Variants in KIF5A observed in about 807,000 individuals in gnomAD.
KIF5A encodes the protein kinesin family member 5A.
KIF5A carries 35 observed loss-of-function variants against 141.3 expected under a neutral mutation model. That is an observed-to-expected ratio of 0.25 (90% CI 0.19 to 0.33). The LOEUF (loss-of-function observed/expected upper bound fraction) is 0.33. Among genes scored for constraint, KIF5A ranks in the 10% least tolerant of loss-of-function variants. The pLI, the probability that KIF5A is intolerant of heterozygous loss-of-function variation, is 1.00. For synonymous variants in KIF5A, 448 were observed against 500.2 expected (o/e 0.90, Z 1.39); for missense variants, 861 against 1,314.3 (o/e 0.66, Z 5.33).
At position 57,550,540 on chromosome 12, in the gene KIF5A, C is replaced by A; in HGVS notation, c.129+140C>A. The A allele has an allele frequency of 1.1e-6, 1 of 916,486 alleles. No homozygotes were observed. The allele number at this position is 916,486 out of a possible 1,614,324, so 56.8% of individuals were successfully genotyped here. On this transcript the variant is annotated intron_variant, in intron 1 of 28. Coordinates refer to ENST00000455537, the MANE Select transcript of KIF5A (RefSeq NM_004984.4). This position sits in a 1 kb window ranked among gnomAD's most constrained non-coding sequence, Gnocchi z 4.6. ...TTCATCCTCTTCCCCGCAGCCCCTC[C>A]TCTCCCCTGCATCAGGATGGCTGGG... is the stretch of plus-strand genomic sequence containing the variant.
chr12:57,550,142 C>G lies in KIF5A; in HGVS notation c.-130C>G. 1.5e-6 allele frequency: 2 copies of G among 1,313,942 alleles called. No individual in the cohort carries two copies. The highest frequency in any genetic ancestry group is 2.2e-6 in the Non-Finnish European group (2 of 925,040). The allele number at this position is 1,313,942 out of a possible 1,614,324, so 81.4% of individuals were successfully genotyped here. On this transcript the variant is annotated 5_prime_UTR_variant, in exon 1 of 29. Transcript: ENST00000455537. This position sits in a 1 kb window ranked among gnomAD's most constrained non-coding sequence, Gnocchi z 4.6. ...CCCTGCTCCCCAGGCTTCGCCCGGG[C>G]GCCCTCAACTCTGTCCCCAGAGACT...
In KIF5A at chr12:57,569,306, C is replaced by G; in HGVS notation, c.870C>G (p.Asp290Glu). 1 of 1,614,046 alleles carries G rather than the reference C, an allele frequency of 6.2e-7. No individual in the cohort carries two copies. Among genetic ancestry groups the G allele is most frequent in the Non-Finnish European group, 8.5e-7 (1 of 1,179,934 alleles). The change falls in exon 10 of 29, where the codon GAC becomes GAG. Residue 290 changes from aspartate to glutamate, a missense_variant. By Grantham distance (45) the Asp-to-Glu change is conservative. Coordinates refer to ENST00000455537, the MANE Select transcript of KIF5A (RefSeq NM_004984.4). ...RDSKMTRILQ[D>E]SLGGNCRTTM... ...GCAAAATGACAAGGATTCTCCAGGACTCTCTCGGGGGAAACTGCCGGACGA... is the reference window on the plus strand; with the variant it reads ...GCAAAATGACAAGGATTCTCCAGGAGTCTCTCGGGGGAAACTGCCGGACGA...
In KIF5A at chr12:57,580,977, C is replaced by A; in HGVS notation, c.2560C>A (p.Leu854Met). The A allele has an allele frequency of 6.2e-7, 1 of 1,614,084 alleles. No individual in the cohort carries two copies. Among genetic ancestry groups the A allele is most frequent in the Non-Finnish European group, 8.5e-7 (1 of 1,180,010 alleles). Residue 854 changes from leucine to methionine, a missense_variant, in exon 24 of 29, where the codon CTG becomes ATG. Around this residue, in one of 5 missense-constraint regions of KIF5A, gnomAD observed 482 missense variants for 661.3 expected, o/e 0.73. Transcript: ENST00000455537. Reference sequence around the variant, plus strand: ...ATAGCTGGTACGTGACAATGCAGATCTGCGTTGTGAGCTTCCTAAATTGGA... The same window carrying A: ...ATAGCTGGTACGTGACAATGCAGATATGCGTTGTGAGCTTCCTAAATTGGA... Reference protein sequence around the residue: ...HKQLVRDNADLRCELPKLEKR... With the variant: ...HKQLVRDNADMRCELPKLEKR...
Position 57,577,921 on chromosome 12 carries a change from A to G in KIF5A, c.2362-88A>G, listed in dbSNP as rs1882476151. 17 of 1,274,654 alleles carry G rather than the reference A, an allele frequency of 1.3e-5. No homozygotes were observed. In the South Asian group the frequency reaches 1.9e-4, roughly 14 times the overall value. The allele number at this position is 1,274,654 out of a possible 1,614,324, so 79.0% of individuals were successfully genotyped here. Reference sequence around the variant, plus strand: ...TCCTAAAGGATAAGTGACTCACTTGATTATAGAGACTGGAGGTACCTATAA... The same window carrying G: ...TCCTAAAGGATAAGTGACTCACTTGGTTATAGAGACTGGAGGTACCTATAA... On this transcript the variant is annotated intron_variant, in intron 21 of 28. Transcript: ENST00000455537.
intron 23 of KIF5A, among the ~76,000 whole-genome samples, 160 bp downstream of exon 23, chr12:57,578,502 C>G (rs1308631529): frequency 6.6e-6 from 1 of 152,146 alleles, no homozygotes; most frequent in East Asian, 1.9e-4. Flanking sequence ...CATATTTGGT[C>G]CACTTGTACC....
In KIF5A at chr12:57,572,869, T is replaced by A; in HGVS notation, c.1716+143T>A. 2 of 1,014,830 alleles carry A rather than the reference T, an allele frequency of 2.0e-6. No homozygotes were observed. Among genetic ancestry groups the A allele is most frequent in the Non-Finnish European group, 3.1e-6 (2 of 645,666 alleles). The allele number at this position is 1,014,830 out of a possible 1,614,324, so 62.9% of individuals were successfully genotyped here. A position where few individuals can be genotyped will look rare whatever the true frequency, so the allele number is the denominator to read the frequency against. On this transcript the variant is annotated intron_variant, in intron 15 of 28. Coordinates refer to ENST00000455537, the MANE Select transcript of KIF5A (RefSeq NM_004984.4). This position sits in a 1 kb window ranked among gnomAD's most constrained non-coding sequence, Gnocchi z 4.2. The stretch of plus-strand genomic sequence containing the variant: ...TTTGAACTAGACCCAGGAAGACAGG[T>A]AGAGGCTTGTATAGACCCAATTGAA...
In KIF5A at chr12:57,576,786, C is replaced by G; in HGVS notation, c.2224C>G (p.Leu742Val). ...KDLNQKLQLE[L>V]EKLQADYEKL... ...CCTAAATCAGAAGCTCCAGTTAGAG[C>G]TAGAGAAGCTTCAGGCTGACTACGA... The change falls in exon 20 of 29, where the codon CTA becomes GTA. Residue 742 changes from leucine (L) to valine (V), a missense_variant. Physicochemically the swap from Leu to Val is conservative, Grantham distance 32. Around this residue, in one of 5 missense-constraint regions of KIF5A, gnomAD observed 482 missense variants for 661.3 expected, o/e 0.73. Coordinates refer to ENST00000455537, the MANE Select transcript of KIF5A (RefSeq NM_004984.4). 1 of 1,613,728 alleles carries G rather than the reference C, an allele frequency of 6.2e-7. No homozygotes were observed. The highest frequency in any genetic ancestry group is 8.5e-7 in the Non-Finnish European group (1 of 1,179,744).
At position 57,581,396 on chromosome 12, in the gene KIF5A, TTTTC is replaced by T. The variant is rs1289406947; in HGVS notation, c.2756-11_2756-8del. The T allele has an allele frequency of 6.2e-7, 1 of 1,613,242 alleles. No individual in the cohort carries two copies. The highest frequency in any genetic ancestry group is 8.5e-7 in the Non-Finnish European group (1 of 1,179,988). On this transcript the variant is annotated splice_polypyrimidine_tract_variant and intron_variant, in intron 24 of 28. Transcript: ENST00000455537. ...CAGGGTCATAGCCTCCTCATGGTTG[TTTTC>T]TTTCTTTATTGCAGCCAAACCCGTC...
chr12:57,570,373 A>G (rs1420680860), intron 12 of KIF5A, among the ~76,000 whole-genome samples: 1 of 152,248 alleles, frequency 6.6e-6, no homozygotes, highest in African/African-American at 2.4e-5. Flanking sequence ...CTCTGTGCAT[A>G]TACCATGCAA....
rs1466468314 is a variant in KIF5A at position 57,578,044 on chromosome 12, G to A, written c.2397G>A (p.Lys799=). The change falls in exon 22 of 29, where the codon AAG becomes AAA. Residue 799 remains lysine, a synonymous_variant. Transcript: ENST00000455537. ...TCCAGACCCTCCACAACCTTCGCAA[G>A]CTGTTCGTTCAAGACGTCACGACTC... ...RELQTLHNLR[K]LFVQDVTTRV... 6.2e-7 allele frequency: 1 copy of A among 1,614,194 alleles called. No homozygotes were observed. Among genetic ancestry groups the A allele is most frequent in the South Asian group, 1.1e-5 (1 of 91,074 alleles).
chr12:57,572,672 G>A lies in KIF5A; in HGVS notation c.1662G>A (p.Leu554=), dbSNP rs2140165629. The A allele has an allele frequency of 1.9e-6, 3 of 1,614,250 alleles. No individual in the cohort carries two copies. Among genetic ancestry groups the A allele is most frequent in the Non-Finnish European group, 2.5e-6 (3 of 1,180,054 alleles). The change falls in exon 15 of 29, where the codon CTG becomes CTA. Residue 554 remains leucine, a synonymous_variant. Transcript: ENST00000455537. This position sits in a 1 kb window ranked among gnomAD's most constrained non-coding sequence, Gnocchi z 4.2. Reference sequence around the variant, plus strand: ...GAATTGCTGAGGTGCTGAACGGGCTGATGAAGGATCTGAGCGAGTTCAGTG... The same window carrying A: ...GAATTGCTGAGGTGCTGAACGGGCTAATGAAGGATCTGAGCGAGTTCAGTG... ...RKRIAEVLNG[L]MKDLSEFSVI... is the part of the protein sequence containing the mutation.
At chr12:57,561,661 T>C (rs543174922) in intron 1 of KIF5A, among the ~76,000 whole-genome samples, 1 of 152,336 alleles carries the variant, frequency 6.6e-6, no homozygotes, top group African/African-American at 2.4e-5. Flanking sequence ...TAAACGATTA[T>C]TTCTTTTTTG....
chr12:57,573,257 T>C (rs1882311257), intron 15 of KIF5A, among the ~76,000 whole-genome samples: 1 of 151,952 alleles, frequency 6.6e-6, no homozygotes, highest in Non-Finnish European at 1.5e-5. Context: ...AGGCCAGGCA[T>C]GGTGGTTCAT....
At position 57,572,339 on chromosome 12, in the gene KIF5A, T is replaced by A; in HGVS notation, c.1569+72T>A. The A allele has an allele frequency of 1.4e-6, 2 of 1,476,804 alleles. No individual in the cohort carries two copies. The highest frequency in any genetic ancestry group is 4.9e-5 in the East Asian group (2 of 40,564). 91.5% of individuals were successfully genotyped at this position (1,476,804 alleles called of 1,614,324 possible). A position where few individuals can be genotyped will look rare whatever the true frequency, so the allele number is the denominator to read the frequency against. ...CTCCCATGTCGAGGGGACCTCTGCA[T>A]CCTTCCAGGGCTGTATGGTGGCTGC... On this transcript the variant is annotated intron_variant, in intron 14 of 28. Transcript: ENST00000455537. The surrounding 1 kb of genome is among the most constrained non-coding windows in gnomAD (Gnocchi z 4.2).
At chr12:57,569,490 G>A in intron 10 of KIF5A, 45 bp from the exon 11 acceptor site, 2 of 1,613,762 alleles carry the variant, frequency 1.2e-6, no homozygotes, top group Non-Finnish European at 1.7e-6. Context: ...GGTCACCCAA[G>A]TCTCATGTTG....
chr12:57,565,231 C>T (rs986016294), intron 6 of KIF5A, among the ~76,000 whole-genome samples: 8 of 151,668 alleles, frequency 5.3e-5, no homozygotes, highest in African/African-American at 1.9e-4. Context: ...ACCAGCCTGG[C>T]CAATATAGTG....
intron 28 of KIF5A, among the ~76,000 whole-genome samples, 168 bp from the exon 29 acceptor site, chr12:57,584,050 G>C (rs918021801): frequency 2.6e-5 from 4 of 152,124 alleles, no homozygotes; most frequent in Non-Finnish European, 2.9e-5. Flanking sequence ...GGGAGACCTA[G>C]GGGTGGAGGT....
chr12:57,566,168 G>A (rs2140160532), intron 6 of KIF5A, among the ~76,000 whole-genome samples: 1 of 151,898 alleles, frequency 6.6e-6, no homozygotes, highest in Middle Eastern at 3.4e-3. Context: ...GCAATGGCAT[G>A]ATCTTGGCTC....
intron 1 of KIF5A, among the ~76,000 whole-genome samples, chr12:57,555,183 C>A (rs907537613): frequency 1.3e-5 from 2 of 151,980 alleles, no homozygotes; most frequent in African/African-American, 2.4e-5. Flanking sequence ...TGATAAGGAA[C>A]CTCCCACAAC....
Sources: allele counts gnomAD v4.1 joint callset (sites outside exome capture counted in the v4.1 genomes callset), GRCh38; gene constraint gnomAD v4.1.1; regional missense constraint gnomAD v4.1.1; non-coding constraint Gnocchi (gnomAD v3.1); transcripts MANE v1.5; gene names NCBI Gene and HGNC (gene_info 2026-07-23, HGNC 2026-07-21).